Variants in CSMD1 observed in about 807,000 individuals in gnomAD.
CSMD1 encodes the protein CUB and Sushi multiple domains 1.
A neutral mutation model predicts 417.5 loss-of-function variants in CSMD1; 213 were observed. The ratio of observed to expected loss-of-function variants is 0.51; its 90% CI spans 0.46 to 0.57. The LOEUF is 0.57. CSMD1 is among the 20% of genes least tolerant of loss of function. CSMD1 has a pLI of 0.00. For missense variants in CSMD1, 6,923 were observed against 4,529.7 expected (o/e 1.53, Z -15.17); for synonymous variants, 2,862 against 1,736.8 (o/e 1.65, Z -16.11).
At chr8:3,231,298 G>A (rs1030977058) in intron 26 of CSMD1, among the ~76,000 whole-genome samples, 15 of 151,996 alleles carry the variant, frequency 9.9e-5, no homozygotes, top group African/African-American at 1.4e-4. Context: ...CTGCATAAGA[G>A]ATGACAATTA....
intron 1 of CSMD1, among the ~76,000 whole-genome samples, chr8:4,991,443 A>G (rs757370266): frequency 6.6e-6 from 1 of 152,196 alleles, no homozygotes; most frequent in Non-Finnish European, 1.5e-5. Flanking sequence ...AGTGACCTCA[A>G]CTGCGACCGC....
intron 7 of CSMD1, among the ~76,000 whole-genome samples, chr8:3,707,396 C>G (rs145783446): frequency 0.011 from 1,669 of 152,152 alleles, 13 homozygotes; most frequent in Non-Finnish European, 0.018. Flanking sequence ...TGCAAAACAC[C>G]GGGGACAGGC....
chr8:4,608,544 C>T (rs758384622), intron 2 of CSMD1, among the ~76,000 whole-genome samples: 3 of 152,202 alleles, frequency 2.0e-5, no homozygotes, highest in African/African-American at 4.8e-5. Context: ...CCAGTACTGT[C>T]ATTAACAATT....
chr8:4,956,300 A>T (rs993673263), intron 1 of CSMD1, among the ~76,000 whole-genome samples: 3 of 151,900 alleles, frequency 2.0e-5, no homozygotes, highest in Non-Finnish European at 4.4e-5. Flanking sequence ...ATTTTAAAAC[A>T]TTTAATAGCA....
At chr8:3,949,978 G>A (rs1322934350) in intron 5 of CSMD1, 2 of 455,738 alleles carry the variant, frequency 4.4e-6, no homozygotes, top group South Asian at 3.1e-5. Context: ...GTGTCTCCAG[G>A]CTTGCATGAA....
intron 6 of CSMD1, among the ~76,000 whole-genome samples, chr8:3,736,099 T>G (rs1297366752): frequency 6.6e-6 from 1 of 152,174 alleles, no homozygotes; most frequent in Non-Finnish European, 1.5e-5. Flanking sequence ...TTTCCAACAC[T>G]GTTGTATGCA....
At chr8:4,845,951 C>G (rs1179379568) in intron 1 of CSMD1, among the ~76,000 whole-genome samples, 1 of 152,192 alleles carries the variant, frequency 6.6e-6, no homozygotes, top group Non-Finnish European at 1.5e-5. Context: ...CATACACTTA[C>G]AAAAGAATAG....
intron 1 of CSMD1, among the ~76,000 whole-genome samples, chr8:4,849,530 G>A (rs1358047399): frequency 6.6e-6 from 1 of 152,112 alleles, no homozygotes; most frequent in African/African-American, 2.4e-5. Flanking sequence ...GCTACTTCCA[G>A]GTTGCAAACT....
At chr8:3,492,989 G>C (rs1009113871) in intron 11 of CSMD1, among the ~76,000 whole-genome samples, 2 of 152,110 alleles carry the variant, frequency 1.3e-5, no homozygotes, top group East Asian at 3.9e-4. Context: ...AAGCAGAGGA[G>C]AGAGGTTAAA....
chr8:4,363,685 G>A (rs1056047145), intron 3 of CSMD1, among the ~76,000 whole-genome samples: 8 of 152,154 alleles, frequency 5.3e-5, no homozygotes, highest in African/African-American at 1.7e-4. Flanking sequence ...ATCGCTCTGT[G>A]CCTGGTTATT....
chr8:3,583,009 T>A (rs1800446804), intron 9 of CSMD1, among the ~76,000 whole-genome samples: 1 of 152,174 alleles, frequency 6.6e-6, no homozygotes. Context: ...CTTTACATAA[T>A]CAGTTGGGAA....
intron 2 of CSMD1, among the ~76,000 whole-genome samples, chr8:4,603,022 A>C (rs1294304470): frequency 6.6e-6 from 1 of 152,008 alleles, no homozygotes; most frequent in African/African-American, 2.4e-5. Flanking sequence ...TAAAATATTG[A>C]TTCTCCAACT....
At chr8:4,226,386 CCT>C (rs1301927845) in intron 3 of CSMD1, among the ~76,000 whole-genome samples, 1 of 151,998 alleles carries the variant, frequency 6.6e-6, no homozygotes, top group African/African-American at 2.4e-5. Context: ...CAATTACAAC[CCT>C]CTCTGAAAAG....
At chr8:3,204,776 G>C (rs933261433) in intron 31 of CSMD1, among the ~76,000 whole-genome samples, 1 of 152,158 alleles carries the variant, frequency 6.6e-6, no homozygotes, top group Non-Finnish European at 1.5e-5. Flanking sequence ...ACTATGTAGC[G>C]TTTTCAATTT....
chr8:4,103,411 T>C (rs751379497), intron 3 of CSMD1, among the ~76,000 whole-genome samples: 3 of 151,394 alleles, frequency 2.0e-5, no homozygotes, highest in Non-Finnish European at 4.4e-5. Context: ...CTATCTTTTC[T>C]AAACCTTGGC....
chr8:4,044,734 C>A (rs2740904), intron 3 of CSMD1, among the ~76,000 whole-genome samples: 9 of 151,004 alleles, frequency 6.0e-5, no homozygotes, highest in Middle Eastern at 3.4e-3. Context: ...GGACACGTAC[C>A]ACCCTGGGCA....
intron 21 of CSMD1, among the ~76,000 whole-genome samples, chr8:3,350,086 TATA>T (rs1033721088): frequency 6.3e-5 from 8 of 127,754 alleles, no homozygotes; most frequent in African/African-American, 2.7e-4. Context: ...TTATAATACC[TATA>T]ATAACCTATA....
intron 2 of CSMD1, among the ~76,000 whole-genome samples, chr8:4,475,866 C>T (rs546605204): frequency 1.4e-4 from 21 of 152,158 alleles, no homozygotes; most frequent in Middle Eastern, 3.4e-3. Context: ...ACCTGCCTTA[C>T]GCTCCGAAAG....
intron 3 of CSMD1, among the ~76,000 whole-genome samples, chr8:4,344,999 G>C (rs1800699159): frequency 6.8e-6 from 1 of 147,936 alleles, no homozygotes; most frequent in African/African-American, 2.7e-5. Flanking sequence ...GCTAGCCAAT[G>C]TTTCATTCTT....
Sources: gnomAD v4.1 joint callset for allele counts (sites outside exome capture counted in the v4.1 genomes callset) on GRCh38, gnomAD v4.1.1 for gene constraint, MANE v1.5 for transcripts, NCBI Gene and HGNC (gene_info 2026-07-23, HGNC 2026-07-21) for gene names.